The following GSE1 variants were observed in gnomAD, a reference collection of about 807,000 sequenced individuals.
The protein encoded by GSE1 is Gse1 coiled-coil protein, also known as genetic suppressor element 1.
Under a neutral mutation model 112.6 loss-of-function variants are expected in GSE1, and 32 were observed. That is an observed-to-expected ratio of 0.28 (90% CI 0.21 to 0.38). The LOEUF (loss-of-function observed/expected upper bound fraction) is 0.38. Among genes scored for constraint, GSE1 ranks in the 10% least tolerant of loss-of-function variants. The pLI is 1.00. For missense variants in GSE1, 2,348 were observed against 1,699.2 expected (o/e 1.38, Z -6.71); for synonymous variants, 1,115 against 735.6 (o/e 1.52, Z -8.35).
At chr16:85,651,395 T>C (rs1226830230) in intron 3 of GSE1, among the ~76,000 whole-genome samples, 2 of 151,948 alleles carry the variant, frequency 1.3e-5, no homozygotes, top group African/African-American at 2.4e-5. Flanking sequence ...CTGCCCCGCC[T>C]GCTGGCTGCC....
chr16:85,457,843 A>G (rs532241579), intron 2 of GSE1, among the ~76,000 whole-genome samples: 7 of 152,186 alleles, frequency 4.6e-5, no homozygotes, highest in Non-Finnish European at 1.0e-4. Flanking sequence ...AACAGCAACC[A>G]ACATTTATTA....
At chr16:85,553,849 C>T (rs2045060776), upstream of GSE1, among the ~76,000 whole-genome samples, 1 of 152,168 alleles carries the variant, frequency 6.6e-6, no homozygotes, top group Admixed American at 6.5e-5. Flanking sequence ...TCCGGGAGTT[C>T]AACTGTCATT....
chr16:85,371,446 G>A (rs1380848779), intron 2 of GSE1, among the ~76,000 whole-genome samples: 1 of 152,184 alleles, frequency 6.6e-6, no homozygotes, highest in Non-Finnish European at 1.5e-5. Context: ...CTGTATGGGT[G>A]CAGATGTGGA....
intron 1 of GSE1, among the ~76,000 whole-genome samples, chr16:85,181,631 C>T (rs1257926006): frequency 1.3e-5 from 2 of 152,252 alleles, no homozygotes; most frequent in African/African-American, 4.8e-5. Flanking sequence ...ACCCATCAAC[C>T]TAGTCTCCCG....
At chr16:85,179,902 T>C (rs1343736608) in intron 1 of GSE1, among the ~76,000 whole-genome samples, 3 of 152,252 alleles carry the variant, frequency 2.0e-5, no homozygotes, top group Non-Finnish European at 2.9e-5. Flanking sequence ...TGGCTGGGTC[T>C]CAGTTTTCCC....
At chr16:85,654,598 T>A in intron 4 of GSE1, 148 bp downstream of exon 4, 1 of 780,024 alleles carries the variant, frequency 1.3e-6, no homozygotes, top group Admixed American at 2.4e-5. Context: ...ATTGCAGCCC[T>A]GTCTGTGCCC....
chr16:85,296,140 A>C, intron 1 of GSE1, among the ~76,000 whole-genome samples: 1 of 151,988 alleles, frequency 6.6e-6, no homozygotes, highest in East Asian at 1.9e-4. Flanking sequence ...AGCGGAGAGG[A>C]GGTGATTTCT....
chr16:85,397,640 G>A (rs1024354801), intron 2 of GSE1, among the ~76,000 whole-genome samples: 3 of 152,140 alleles, frequency 2.0e-5, no homozygotes, highest in Non-Finnish European at 2.9e-5. Flanking sequence ...GGGCCTCCCC[G>A]GAGCACCAGG....
chr16:85,618,789 T>C (rs1170761928), intron 1 of GSE1, among the ~76,000 whole-genome samples: 1 of 152,178 alleles, frequency 6.6e-6, no homozygotes, highest in African/African-American at 2.4e-5. Context: ...TCCTGAGAAG[T>C]TGGAACCACT....
At chr16:85,288,588 A>G (rs2045111344) in intron 1 of GSE1, among the ~76,000 whole-genome samples, 1 of 152,216 alleles carries the variant, frequency 6.6e-6, no homozygotes, top group African/African-American at 2.4e-5. Flanking sequence ...TCTGATCTGA[A>G]GGAGCCTCCC....
chr16:85,237,497 C>T (rs998238028), intron 1 of GSE1, among the ~76,000 whole-genome samples: 7 of 151,978 alleles, frequency 4.6e-5, no homozygotes, highest in African/African-American at 1.4e-4. Context: ...ATTGACAGCA[C>T]GTGCTTGGGG....
At chr16:85,354,245 T>C (rs2046906228) in intron 1 of GSE1, among the ~76,000 whole-genome samples, 2 of 152,210 alleles carry the variant, frequency 1.3e-5, no homozygotes, top group South Asian at 4.1e-4. Flanking sequence ...CCCAGTTGCT[T>C]TGTAAGCTGT....
intron 2 of GSE1, among the ~76,000 whole-genome samples, chr16:85,465,192 C>T (rs1458440621): frequency 6.6e-6 from 1 of 152,228 alleles, no homozygotes; most frequent in Non-Finnish European, 1.5e-5. Context: ...CTGCATGCAG[C>T]GGTTGGGTGG....
intron 1 of GSE1, among the ~76,000 whole-genome samples, chr16:85,247,780 T>C (rs1294243684): frequency 1.3e-5 from 2 of 152,102 alleles, no homozygotes; most frequent in Non-Finnish European, 2.9e-5. Flanking sequence ...AGGGAGGGGC[T>C]GGGCACATGG....
At chr16:85,529,193 G>T (rs557536697) in intron 2 of GSE1, among the ~76,000 whole-genome samples, 1 of 152,252 alleles carries the variant, frequency 6.6e-6, no homozygotes, top group South Asian at 2.1e-4. Context: ...CTGGAGTGGG[G>T]GTGGGGGTGT....
At chr16:85,222,532 G>A (rs1253536966) in intron 1 of GSE1, among the ~76,000 whole-genome samples, 1 of 152,196 alleles carries the variant, frequency 6.6e-6, no homozygotes, top group Admixed American at 6.5e-5. Flanking sequence ...GAAAAACACC[G>A]CCAGGAGGCT....
chr16:85,660,993 G>T (rs1018212222), intron 8 of GSE1, among the ~76,000 whole-genome samples, 153 bp from the exon 9 acceptor site: 1 of 152,196 alleles, frequency 6.6e-6, no homozygotes, highest in African/African-American at 2.4e-5. Context: ...CCTTGGGGTG[G>T]AGTGTGTGTC....
At chr16:85,225,519 C>G (rs2075469641) in intron 1 of GSE1, among the ~76,000 whole-genome samples, 1 of 152,132 alleles carries the variant, frequency 6.6e-6, no homozygotes, top group African/African-American at 2.4e-5. Context: ...GAGAAGGGTC[C>G]CCAGGGAGGT....
Position 85,673,147 on chromosome 16 carries a change from C to T in GSE1, c.*608C>T, listed in dbSNP as rs1302696946. 6.6e-6 allele frequency: 1 copy of T among 152,354 alleles called. No individual in the cohort carries two copies. Among genetic ancestry groups the T allele is most frequent in the Non-Finnish European group, 1.5e-5 (1 of 68,026 alleles). The allele number at this position is 152,354 out of a possible 1,614,324, so 9.4% of individuals were successfully genotyped here. A position where few individuals can be genotyped will look rare whatever the true frequency, so the allele number is the denominator to read the frequency against. ...TTTTCCCTGGAAAAGCTCTTTCTTACCTAAAGATAAAACCAATTCACAAAC... is the reference window on the plus strand; with the variant it reads ...TTTTCCCTGGAAAAGCTCTTTCTTATCTAAAGATAAAACCAATTCACAAAC... On this transcript the variant is annotated 3_prime_UTR_variant, in exon 16 of 16. Coordinates refer to ENST00000253458, the MANE Select transcript of GSE1 (RefSeq NM_014615.5).
Sources: allele counts gnomAD v4.1 joint callset (sites outside exome capture counted in the v4.1 genomes callset), GRCh38; gene constraint gnomAD v4.1.1; transcripts MANE v1.5; gene names NCBI Gene and HGNC (gene_info 2026-07-23, HGNC 2026-07-21).